The following STS variants were observed in gnomAD, a reference collection of about 807,000 sequenced individuals.
STS encodes the protein steryl-sulfatase.
In STS, 7 loss-of-function variants were observed where a neutral mutation model predicts 26.8. The ratio of observed to expected loss-of-function variants is 0.26; its 90% CI spans 0.15 to 0.49. The LOEUF (loss-of-function observed/expected upper bound fraction) is 0.49. Among genes scored for constraint, STS ranks in the 20% least tolerant of loss-of-function variants. The pLI is 0.98. For synonymous variants in STS, 199 were observed against 189.4 expected (o/e 1.05, Z -0.42); for missense variants, 434 against 465.6 (o/e 0.93, Z 0.63).
chrX:7,322,472 C>G (rs1927084380), intron 8 of STS, among the ~76,000 whole-genome samples: 1 of 111,897 alleles, frequency 8.9e-6, no homozygotes, highest in South Asian at 3.7e-4. Context: ...GAGATCTTGG[C>G]TCACTGCAAC....
chrX:7,323,045 C>G (rs1262489217), intron 8 of STS, among the ~76,000 whole-genome samples: 2 of 111,691 alleles, frequency 1.8e-5, no homozygotes, highest in Non-Finnish European at 3.8e-5. Context: ...TTGTGCCTCT[C>G]TTGCAGGCAC....
intron 6 of STS, among the ~76,000 whole-genome samples, chrX:7,261,381 T>C (rs1418063171): frequency 8.9e-6 from 1 of 112,237 alleles, no homozygotes; most frequent in African/African-American, 3.2e-5. Context: ...AGGAAGTTAT[T>C]GTGATGAAGG....
At chrX:7,323,225 G>GT (rs112980545) in intron 8 of STS, among the ~76,000 whole-genome samples, 116 of 104,769 alleles carry the variant, frequency 1.1e-3, no homozygotes, top group South Asian at 3.3e-3. Flanking sequence ...AAAACAACAT[G>GT]TTTTTTTTTT....
chrX:7,234,719 A>G (rs1437308295), intron 2 of STS, among the ~76,000 whole-genome samples: 1 of 112,071 alleles, frequency 8.9e-6, no homozygotes, highest in Non-Finnish European at 1.9e-5. Context: ...GAGGATGTAA[A>G]GACTATCCTC....
At chrX:7,347,496 C>T (rs1469629079) in intron 10 of STS, among the ~76,000 whole-genome samples, 1 of 111,927 alleles carries the variant, frequency 8.9e-6, no homozygotes, top group African/African-American at 3.3e-5. Flanking sequence ...GGCCGGGGTG[C>T]CTGCATCTCT....
intron 7 of STS, among the ~76,000 whole-genome samples, chrX:7,294,242 CAAATT>C (rs768377353): frequency 2.7e-5 from 3 of 111,009 alleles, no homozygotes; most frequent in Non-Finnish European, 3.8e-5. Flanking sequence ...ATTTGTATCT[CAAATT>C]AAAATTAATA....
intron 2 of STS, among the ~76,000 whole-genome samples, chrX:7,229,170 T>C (rs778020162): frequency 1.1e-4 from 12 of 112,340 alleles, no homozygotes; most frequent in Non-Finnish European, 1.9e-4. Context: ...TTATAAAAAA[T>C]AGTGGAGACC....
chrX:7,291,239 G>C (rs773860194), intron 7 of STS, among the ~76,000 whole-genome samples: 2 of 111,618 alleles, frequency 1.8e-5, no homozygotes, highest in South Asian at 3.8e-4. Context: ...GGAGCTAACT[G>C]TCTGTCTTAG....
At chrX:7,262,726 C>A (rs1309140015) in intron 6 of STS, among the ~76,000 whole-genome samples, 1 of 111,296 alleles carries the variant, frequency 9.0e-6, no homozygotes, top group African/African-American at 3.3e-5. Flanking sequence ...GACTCTGCAA[C>A]AAAAGAATAA....
chrX:7,232,996 G>A (rs1488559070), intron 2 of STS, among the ~76,000 whole-genome samples: 3 of 110,662 alleles, frequency 2.7e-5, no homozygotes, highest in Admixed American at 9.6e-5. Flanking sequence ...CGCCATGATT[G>A]TGACTTTCCT....
chrX:7,336,040 C>A (rs959551451), intron 10 of STS, among the ~76,000 whole-genome samples: 1 of 111,535 alleles, frequency 9.0e-6, no homozygotes, highest in Non-Finnish European at 1.9e-5. Flanking sequence ...AGTCAGGTAG[C>A]GTGAAACTTA....
intron 1 of STS, among the ~76,000 whole-genome samples, 196 bp from the exon 2 acceptor site, chrX:7,190,684 G>A (rs1173382481): frequency 9.1e-6 from 1 of 109,793 alleles, no homozygotes; most frequent in African/African-American, 3.3e-5. Flanking sequence ...GCTGAGGTGG[G>A]AGGATTACTT....
At chrX:7,244,936 T>C (rs1290045578) in intron 2 of STS, among the ~76,000 whole-genome samples, 2 of 112,181 alleles carry the variant, frequency 1.8e-5, no homozygotes, top group Non-Finnish European at 3.8e-5. Flanking sequence ...GCTTGGTACA[T>C]ACTAAGCACC....
At chrX:7,250,648 G>T (rs868299026) in intron 2 of STS, among the ~76,000 whole-genome samples, 5 of 112,146 alleles carry the variant, frequency 4.5e-5, no homozygotes, top group Non-Finnish European at 9.4e-5. Flanking sequence ...GGCAAAAATG[G>T]TTTCACGTAA....
At chrX:7,219,427 T>C (rs1921448468) in intron 2 of STS, 1 of 1,042,772 alleles carries the variant, frequency 9.6e-7, no homozygotes, top group Non-Finnish European at 1.2e-6. Flanking sequence ...AGGCAAAGAG[T>C]GTCTCCGCCT....
At chrX:7,219,067 G>C (rs1355200893) in intron 2 of STS, among the ~76,000 whole-genome samples, 1 of 112,116 alleles carries the variant, frequency 8.9e-6, no homozygotes, top group Non-Finnish European at 1.9e-5. Context: ...CACAGGTGCA[G>C]CTTTTATAGA....
chrX:7,215,478 G>A (rs1352410010), intron 2 of STS, among the ~76,000 whole-genome samples: 1 of 110,602 alleles, frequency 9.0e-6, no homozygotes, highest in African/African-American at 3.3e-5. Context: ...AAGGAGTGAT[G>A]CAGTTGTGGA....
chrX:7,319,927 T>TTATA lies in STS; in HGVS notation c.1082-5402_1082-5399dup, dbSNP rs1263083743. ...CTCAGCCTCAGATTGTGCAACTATT[T>TTATA]TATATATATATATTTTTATATGTAT... On this transcript the variant is annotated intron_variant, in intron 8 of 10. Coordinates refer to ENST00000674429, the MANE Select transcript of STS (RefSeq NM_001320752.2). Among the ~76,000 whole-genome samples, 68 of 97,419 alleles carry TTATA rather than the reference T, an allele frequency of 7.0e-4. 1 individual carries two copies. The highest frequency in any genetic ancestry group is 2.5e-3 in the African/African-American group (66 of 26,910). 84.6% of individuals were successfully genotyped at this position (97,419 alleles called of 115,157 possible). A position where few individuals can be genotyped will look rare whatever the true frequency, so the allele number is the denominator to read the frequency against.
intron 2 of STS, among the ~76,000 whole-genome samples, chrX:7,221,323 G>T (rs779380099): frequency 1.8e-5 from 2 of 112,142 alleles, no homozygotes; most frequent in African/African-American, 6.5e-5. Context: ...TCTGATAGTC[G>T]ATTCATACAA....
Sources: allele counts gnomAD v4.1 joint callset (sites outside exome capture counted in the v4.1 genomes callset), GRCh38; gene constraint gnomAD v4.1.1; transcripts MANE v1.5; gene names NCBI Gene and HGNC (gene_info 2026-07-23, HGNC 2026-07-21).